The following FIP1L1 variants were observed in gnomAD, a reference collection of about 807,000 sequenced individuals.
FIP1L1 encodes factor interacting with PAPOLA and CPSF1.
A neutral mutation model predicts 84.6 loss-of-function variants in FIP1L1; 21 were observed. That is an observed-to-expected ratio of 0.25 (90% CI 0.18 to 0.36). The LOEUF is 0.36. Among genes scored for constraint, FIP1L1 ranks in the 10% least tolerant of loss-of-function variants. The pLI is 1.00. For synonymous variants in FIP1L1, 263 were observed against 242.3 expected (o/e 1.09, Z -0.80); for missense variants, 526 against 751.1 (o/e 0.70, Z 3.50).
chr4:53,453,180 T>TA, intron 16 of FIP1L1, 47 bp downstream of exon 16: 1 of 1,598,038 alleles, frequency 6.3e-7, no homozygotes, highest in Non-Finnish European at 8.6e-7. Context: ...TATAAGCACT[T>TA]ACAAATTTAT....
chr4:53,460,817 TTAAATA>T lies in FIP1L1; in HGVS notation c.*1373_*1378del, dbSNP rs539871968. On this transcript the variant is annotated 3_prime_UTR_variant, in exon 18 of 18. Transcript: ENST00000337488. Reference sequence around the variant, plus strand: ...GACATTTTTACAATGTATTCTTTCTTTAAATATAAAAACTGACAAGATAAATATAGT... The same window carrying T: ...GACATTTTTACAATGTATTCTTTCTTTAAAAACTGACAAGATAAATATAGT... 7.8e-4 allele frequency: 993 copies of T among 1,266,580 alleles called. 2 individuals carry two copies. Among genetic ancestry groups the T allele is most frequent in the Non-Finnish European group, 1.0e-3 (933 of 907,228 alleles). The allele number at this position is 1,266,580 out of a possible 1,614,324, so 78.5% of individuals were successfully genotyped here. A position where few individuals can be genotyped will look rare whatever the true frequency, so the allele number is the denominator to read the frequency against.
intron 16 of FIP1L1, chr4:53,458,411 A>G: frequency 3.4e-6 from 1 of 296,452 alleles, no homozygotes; most frequent in East Asian, 5.6e-5. Context: ...GAAAGCACAG[A>G]ACAAAATTGG....
At position 53,459,872 on chromosome 4, in the gene FIP1L1, C is replaced by CTT. The variant is rs1721486200; in HGVS notation, c.*425_*426dup. On this transcript the variant is annotated 3_prime_UTR_variant, in exon 18 of 18. Transcript: ENST00000337488. The stretch of plus-strand genomic sequence containing the variant: ...TCTAAGGCTTGAGATTAAAACTAGT[C>CTT]TTTATCATTACTGCTGTGACACTCT... 1 of 237,130 alleles carries CTT rather than the reference C, an allele frequency of 4.2e-6. No individual in the cohort carries two copies. Among genetic ancestry groups the CTT allele is most frequent in the Non-Finnish European group, 8.3e-6 (1 of 120,586 alleles). 14.7% of individuals were successfully genotyped at this position (237,130 alleles called of 1,614,324 possible).
Position 53,460,742 on chromosome 4 carries a change from C to A in FIP1L1, c.*1293C>A. 1 of 647,630 alleles carries A rather than the reference C, an allele frequency of 1.5e-6. No individual in the cohort carries two copies. The highest frequency in any genetic ancestry group is 2.4e-5 in the South Asian group (1 of 42,444). 40.1% of individuals were successfully genotyped at this position (647,630 alleles called of 1,614,324 possible). ...CTAGTAGTTTTAATTTTTTTGGAAT[C>A]ATATTTTCTGAGGTGTAACTGGCTT... On this transcript the variant is annotated 3_prime_UTR_variant, in exon 18 of 18. Transcript: ENST00000337488.
At position 53,397,055 on chromosome 4, in the gene FIP1L1, C is replaced by T. The variant is rs1167242890; in HGVS notation, c.706-2675C>T. Among the ~76,000 whole-genome samples the T allele has an allele frequency of 8.5e-5, 13 of 152,144 alleles. No homozygotes were observed. The South Asian group carries it at 1.0e-3, about 12-fold the overall frequency. ...ATTCAAAGTTATTTTTCTTTTTAACCGATGAAAGAATGTTTATGTGCAGAA... is the reference window on the plus strand; with the variant it reads ...ATTCAAAGTTATTTTTCTTTTTAACTGATGAAAGAATGTTTATGTGCAGAA... On this transcript the variant is annotated intron_variant, in intron 9 of 17. Coordinates refer to ENST00000337488, the MANE Select transcript of FIP1L1 (RefSeq NM_030917.4).
intron 16 of FIP1L1, among the ~76,000 whole-genome samples, chr4:53,455,573 T>C (rs1237201370): frequency 6.6e-6 from 1 of 152,112 alleles, no homozygotes; most frequent in Non-Finnish European, 1.5e-5. Context: ...GTACATTTAT[T>C]AAGTTTGTTG....
intron 16 of FIP1L1, among the ~76,000 whole-genome samples, chr4:53,455,114 C>T (rs552176313): frequency 6.6e-6 from 1 of 152,294 alleles, no homozygotes; most frequent in South Asian, 2.1e-4. Context: ...AAGAATTGGG[C>T]TTTGCTCTGG....
At chr4:53,391,625 G>A (rs1162941067) in intron 9 of FIP1L1, 127 bp downstream of exon 9, 25 of 645,976 alleles carry the variant, frequency 3.9e-5, no homozygotes, top group South Asian at 2.4e-4. Context: ...CAGCTTCCTG[G>A]TGACTTACAA....
intron 9 of FIP1L1, among the ~76,000 whole-genome samples, chr4:53,397,277 C>A (rs566204822): frequency 6.3e-4 from 96 of 152,264 alleles, no homozygotes; most frequent in African/African-American, 2.2e-3. Flanking sequence ...TAATGAGATT[C>A]TTTTGGGTGG....
At chr4:53,409,088 G>C (rs375260633) in intron 10 of FIP1L1, among the ~76,000 whole-genome samples, 2 of 152,080 alleles carry the variant, frequency 1.3e-5, no homozygotes, top group Non-Finnish European at 2.9e-5. Flanking sequence ...TTAGAGTTTC[G>C]AGTTTTTCTG....
At chr4:53,389,168 T>G (rs1393256847) in intron 5 of FIP1L1, among the ~76,000 whole-genome samples, 2 of 152,266 alleles carry the variant, frequency 1.3e-5, no homozygotes, top group Admixed American at 1.3e-4. Context: ...TTTGAATTTC[T>G]TGTCAATAAA....
intron 9 of FIP1L1, among the ~76,000 whole-genome samples, chr4:53,395,899 T>C (rs1746990421): frequency 1.3e-5 from 2 of 149,392 alleles, no homozygotes; most frequent in African/African-American, 4.9e-5. Context: ...AGGCCTTAAT[T>C]GGCATAACTG....
intron 12 of FIP1L1, among the ~76,000 whole-genome samples, chr4:53,426,280 A>T (rs772985090): frequency 1.3e-5 from 2 of 152,156 alleles, no homozygotes; most frequent in Non-Finnish European, 2.9e-5. Context: ...GTTCATACGT[A>T]TGTAATCTTA....
Position 53,389,783 on chromosome 4 carries a change from GTTT to G in FIP1L1, c.333-19_333-17del, listed in dbSNP as rs753841262. On this transcript the variant is annotated intron_variant, in intron 5 of 17. Coordinates refer to ENST00000337488, the MANE Select transcript of FIP1L1 (RefSeq NM_030917.4). ...GTTTAAGCTTTTCAGGATAATTTCT[GTTT>G]TTTTTTGTTTGTTTGTTTTTAGGAG... 15 of 1,528,086 alleles carry G rather than the reference GTTT, an allele frequency of 9.8e-6. No homozygotes were observed. The East Asian group carries it at 3.5e-4, about 36-fold the overall frequency. 94.7% of individuals were successfully genotyped at this position (1,528,086 alleles called of 1,614,324 possible). A position where few individuals can be genotyped will look rare whatever the true frequency, so the allele number is the denominator to read the frequency against.
intron 11 of FIP1L1, among the ~76,000 whole-genome samples, chr4:53,417,351 C>G (rs1241537842): frequency 2.6e-5 from 4 of 152,048 alleles, no homozygotes; most frequent in African/African-American, 9.7e-5. Flanking sequence ...TTAGAAAATT[C>G]CAAAAATAGC....
chr4:53,391,863 A>G (rs1277972546), intron 9 of FIP1L1, among the ~76,000 whole-genome samples: 1 of 152,224 alleles, frequency 6.6e-6, no homozygotes. Context: ...TTCTCTTTAA[A>G]AAAATGGTAA....
intron 15 of FIP1L1, among the ~76,000 whole-genome samples, chr4:53,450,659 A>G (rs1775996427): frequency 6.6e-6 from 1 of 152,182 alleles, no homozygotes; most frequent in African/African-American, 2.4e-5. Context: ...GGTGACAGCA[A>G]GACCTCATCT....
chr4:53,442,688 C>G lies in FIP1L1; in HGVS notation c.1210C>G (p.Leu404Val), dbSNP rs375777501. Residue 404 changes from leucine to valine, a missense_variant, in exon 14 of 18, where the codon CTT (leucine) becomes GTT (valine). Around this residue, in one of 6 missense-constraint regions of FIP1L1, gnomAD observed 83 missense variants for 93.8 expected, o/e 0.88. Transcript: ENST00000337488. ...TCCACCAGGCGCTCCACCTCCATCT[C>G]TTATACCAACAATAGAAAGGTAAAT... ...PPPPGAPPPS[L>V]IPTIESGHSS... 2 of 1,601,874 alleles carry G rather than the reference C, an allele frequency of 1.2e-6. No individual in the cohort carries two copies. Among genetic ancestry groups the G allele is most frequent in the Non-Finnish European group, 1.7e-6 (2 of 1,169,248 alleles).
chr4:53,425,618 G>A (rs1331850093), intron 11 of FIP1L1, among the ~76,000 whole-genome samples: 1 of 152,028 alleles, frequency 6.6e-6, no homozygotes, highest in Admixed American at 6.6e-5. Flanking sequence ...GTGTAGAAGA[G>A]CTCTACAGAG....
Sources: gnomAD v4.1 joint callset for allele counts (sites outside exome capture counted in the v4.1 genomes callset) on GRCh38, gnomAD v4.1.1 for gene constraint, gnomAD v4.1.1 regional missense constraint, MANE v1.5 for transcripts, NCBI Gene and HGNC (gene_info 2026-07-23, HGNC 2026-07-21) for gene names.